RIN2: variants seen among roughly 807,000 people sequenced by gnomAD.
The protein encoded by RIN2 is Ras and Rab interactor 2.
RIN2 carries 36 observed loss-of-function variants against 78.0 expected under a neutral mutation model. That is an observed-to-expected ratio of 0.46 (90% CI 0.35 to 0.61). RIN2 has a LOEUF of 0.61. Among genes scored for constraint, RIN2 ranks in the 20% least tolerant of loss-of-function variants. The pLI is 0.00. For synonymous variants in RIN2, 466 were observed against 466.8 expected (o/e 1.00, Z 0.02); for missense variants, 1,087 against 1,159.7 (o/e 0.94, Z 0.91).
intron 1 of RIN2, among the ~76,000 whole-genome samples, chr20:19,781,584 C>G (rs1199733528): frequency 6.6e-6 from 1 of 152,176 alleles, no homozygotes; most frequent in Non-Finnish European, 1.5e-5. Flanking sequence ...CCCACCACCA[C>G]AGCTGGCTAA....
intron 7 of RIN2, among the ~76,000 whole-genome samples, chr20:19,967,374 A>G (rs1373259298): frequency 1.3e-5 from 2 of 152,204 alleles, no homozygotes; most frequent in East Asian, 3.8e-4. Flanking sequence ...CTACTCATCT[A>G]TGTTCTTGGC....
chr20:19,858,698 T>G (rs569454252), intron 2 of RIN2, among the ~76,000 whole-genome samples: 1 of 152,304 alleles, frequency 6.6e-6, no homozygotes, highest in Admixed American at 6.5e-5. Flanking sequence ...GGAATAATAT[T>G]TACTTATTCC....
intron 3 of RIN2, among the ~76,000 whole-genome samples, chr20:19,899,329 A>G (rs1357536559): frequency 2.0e-5 from 3 of 152,218 alleles, no homozygotes; most frequent in South Asian, 4.1e-4. Flanking sequence ...ATGTACATAT[A>G]TATGTCCAGT....
At chr20:19,954,086 T>G (rs1160856225) in intron 4 of RIN2, among the ~76,000 whole-genome samples, 2 of 152,148 alleles carry the variant, frequency 1.3e-5, no homozygotes, top group Non-Finnish European at 2.9e-5. Context: ...CTCTGGCCAG[T>G]CCACATGCCA....
At chr20:19,781,775 T>C (rs2034515512) in intron 1 of RIN2, among the ~76,000 whole-genome samples, 1 of 148,018 alleles carries the variant, frequency 6.8e-6, no homozygotes, top group Non-Finnish European at 1.5e-5. Context: ...TGAAGGAAGA[T>C]TATACACTTT....
intron 3 of RIN2, among the ~76,000 whole-genome samples, chr20:19,904,142 G>A (rs2039109411): frequency 6.6e-6 from 1 of 151,638 alleles, no homozygotes; most frequent in Non-Finnish European, 1.5e-5. Context: ...TGAGGCAGGA[G>A]AATTGCTTGA....
At chr20:19,990,467 C>T (rs1343288140) in intron 10 of RIN2, among the ~76,000 whole-genome samples, 156 bp downstream of exon 10, 4 of 152,080 alleles carry the variant, frequency 2.6e-5, no homozygotes, top group South Asian at 2.1e-4. Flanking sequence ...CTCTGATATC[C>T]GGCACATTAG....
At chr20:19,835,361 G>A (rs1398454516) in intron 2 of RIN2, among the ~76,000 whole-genome samples, 1 of 152,086 alleles carries the variant, frequency 6.6e-6, no homozygotes, top group East Asian at 1.9e-4. Flanking sequence ...CTTCTTTATT[G>A]TTTGAAGTGC....
chr20:19,958,542 A>C (rs2041630839), intron 5 of RIN2, among the ~76,000 whole-genome samples: 1 of 152,246 alleles, frequency 6.6e-6, no homozygotes. Context: ...CAGGGCCAGG[A>C]CAGGAGTAAC....
rs755691881 is a variant in RIN2, at chr20:19,974,974, A to T, written c.949A>T (p.Asn317Tyr). ...ACCCAGGCCCCCGCCACCCGCTATT[A>T]ATAGTCTCCACACAAGCCCTCGGCT... ...PPPRPPPPAI[N>Y]SLHTSPRLAR... is the part of the protein sequence containing the mutation. Residue 317 changes from asparagine to tyrosine, a missense_variant, in exon 9 of 13, where the codon AAT (asparagine) becomes TAT (tyrosine). Asn to Tyr is a moderately radical substitution (Grantham distance 143, BLOSUM62 -2). Coordinates refer to ENST00000255006, the MANE Select transcript of RIN2 (RefSeq NM_018993.4). 7 of 1,556,286 alleles carry T rather than the reference A, an allele frequency of 4.5e-6. No homozygotes were observed. Among genetic ancestry groups the T allele is most frequent in the African/African-American group, 2.8e-5 (2 of 70,952 alleles).
chr20:19,953,955 A>C (rs1438713053), intron 4 of RIN2, among the ~76,000 whole-genome samples: 1 of 152,240 alleles, frequency 6.6e-6, no homozygotes, highest in Non-Finnish European at 1.5e-5. Context: ...TTGTAGCAGA[A>C]GTTGAGCAAA....
chr20:19,763,705 CT>C (rs1302396871), intron 1 of RIN2, among the ~76,000 whole-genome samples: 1 of 152,068 alleles, frequency 6.6e-6, no homozygotes, highest in Non-Finnish European at 1.5e-5. Context: ...ATGTCTTATT[CT>C]GGTCAAAAAG....
intron 2 of RIN2, among the ~76,000 whole-genome samples, chr20:19,879,559 C>T (rs2037956694): frequency 6.6e-6 from 1 of 152,184 alleles, no homozygotes; most frequent in South Asian, 2.1e-4. Context: ...TAAGAGAAAG[C>T]ATGGAAATTT....
intron 2 of RIN2, among the ~76,000 whole-genome samples, chr20:19,858,622 C>T (rs949511758): frequency 6.6e-6 from 1 of 152,208 alleles, no homozygotes; most frequent in Non-Finnish European, 1.5e-5. Flanking sequence ...CATTTTCCTT[C>T]TAAGTGCTCA....
intron 9 of RIN2, among the ~76,000 whole-genome samples, chr20:19,986,403 T>C (rs533993266): frequency 1.3e-5 from 2 of 152,290 alleles, no homozygotes; most frequent in African/African-American, 4.8e-5. Flanking sequence ...TAAATTATGG[T>C]CTTTAAAGAA....
At chr20:19,781,159 A>T (rs1002833856) in intron 1 of RIN2, among the ~76,000 whole-genome samples, 4 of 152,186 alleles carry the variant, frequency 2.6e-5, no homozygotes, top group South Asian at 2.1e-4. Context: ...CTCACTTTAA[A>T]TGCCATGAGT....
chr20:19,896,611 G>A (rs952026816), intron 3 of RIN2, among the ~76,000 whole-genome samples: 7 of 152,230 alleles, frequency 4.6e-5, no homozygotes, highest in African/African-American at 1.7e-4. Flanking sequence ...GCACCTTGCA[G>A]TGGAAACAGC....
chr20:19,848,393 G>A (rs2036851433), intron 2 of RIN2, among the ~76,000 whole-genome samples: 1 of 151,766 alleles, frequency 6.6e-6, no homozygotes, highest in South Asian at 2.1e-4. Flanking sequence ...AAAATTAGCT[G>A]GGCGTGGTGG....
rs530945628 is a variant in RIN2, at chr20:19,892,098, G to T, written c.57+2440G>T. On this transcript the variant is annotated intron_variant, in intron 3 of 12. Coordinates refer to ENST00000255006, the MANE Select transcript of RIN2 (RefSeq NM_018993.4). ...CCTGACCCCGCCAAGGGTGAGATCT[G>T]CCATGTAACCTCTCCTGGGTCAAAT... is the stretch of plus-strand genomic sequence containing the variant. Among the ~76,000 whole-genome samples, 9 of 152,332 alleles carry T rather than the reference G, an allele frequency of 5.9e-5. No homozygotes were observed. In the East Asian group the frequency reaches 1.5e-3, roughly 26 times the overall value.
Sources: gnomAD v4.1 joint callset for allele counts (sites outside exome capture counted in the v4.1 genomes callset) on GRCh38, gnomAD v4.1.1 for gene constraint, MANE v1.5 for transcripts, NCBI Gene and HGNC (gene_info 2026-07-23, HGNC 2026-07-21) for gene names.